The following DGKB variants were observed in gnomAD, a reference collection of about 807,000 sequenced individuals.
DGKB encodes diacylglycerol kinase beta.
Under a neutral mutation model 114.3 loss-of-function variants are expected in DGKB, and 67 were observed. That is an observed-to-expected ratio of 0.59 (90% CI 0.48 to 0.72). The LOEUF is 0.72. DGKB is among the 30% of genes least tolerant of loss of function. The pLI, the probability that DGKB is intolerant of heterozygous loss-of-function variation, is 0.00. For missense variants in DGKB, 907 were observed against 975.2 expected (o/e 0.93, Z 0.93); for synonymous variants, 398 against 323.1 (o/e 1.23, Z -2.49).
chr7:14,832,459 A>C (rs991848923), intron 2 of DGKB, among the ~76,000 whole-genome samples: 4 of 152,054 alleles, frequency 2.6e-5, no homozygotes, highest in African/African-American at 9.7e-5. Context: ...TTATATAAAG[A>C]GTAGCTTACA....
intron 1 of DGKB, among the ~76,000 whole-genome samples, chr7:14,956,362 C>G (rs1786507299): frequency 6.6e-6 from 1 of 152,044 alleles, no homozygotes; most frequent in East Asian, 1.9e-4. Context: ...AGTTTGAGTT[C>G]TATTACTCAG....
intron 21 of DGKB, among the ~76,000 whole-genome samples, chr7:14,390,154 C>T (rs954139743): frequency 1.3e-5 from 2 of 152,146 alleles, no homozygotes; most frequent in African/African-American, 4.8e-5. Flanking sequence ...ATGATACATA[C>T]ATAAGGGTAT....
chr7:14,544,009 G>A (rs1793897369), intron 20 of DGKB, among the ~76,000 whole-genome samples: 1 of 152,136 alleles, frequency 6.6e-6, no homozygotes, highest in African/African-American at 2.4e-5. Flanking sequence ...TAAATAAATT[G>A]TATTGCTATT....
intron 22 of DGKB, among the ~76,000 whole-genome samples, chr7:14,339,915 A>G (rs1193294195): frequency 6.6e-6 from 1 of 151,894 alleles, no homozygotes; most frequent in Non-Finnish European, 1.5e-5. Flanking sequence ...AACTCAGAAG[A>G]CACAGTGTTC....
intron 2 of DGKB, among the ~76,000 whole-genome samples, chr7:14,801,911 CACAT>C (rs1586609420): frequency 7.4e-6 from 1 of 134,716 alleles, no homozygotes; most frequent in South Asian, 2.3e-4. Flanking sequence ...CACATATACA[CACAT>C]ATATACATAT....
chr7:14,932,675 T>C (rs903070756), intron 1 of DGKB, among the ~76,000 whole-genome samples: 5 of 152,180 alleles, frequency 3.3e-5, no homozygotes, highest in South Asian at 2.1e-4. Context: ...ATGTAAATAA[T>C]TGGTTCCTCA....
At chr7:14,447,708 A>G (rs1351847704) in intron 21 of DGKB, among the ~76,000 whole-genome samples, 1 of 152,136 alleles carries the variant, frequency 6.6e-6, no homozygotes, top group African/African-American at 2.4e-5. Context: ...ACTTCTAGAT[A>G]CCAAAATACC....
At chr7:14,959,378 G>A (rs1023409636) in intron 1 of DGKB, among the ~76,000 whole-genome samples, 2 of 145,962 alleles carry the variant, frequency 1.4e-5, no homozygotes, top group African/African-American at 5.0e-5. Flanking sequence ...GTGAAATAGA[G>A]TTTTTTTTTT....
At chr7:14,706,972 A>G (rs2129021011) in intron 6 of DGKB, among the ~76,000 whole-genome samples, 1 of 149,448 alleles carries the variant, frequency 6.7e-6, no homozygotes, top group Admixed American at 6.7e-5. Context: ...AAATCAGAGC[A>G]GAACTGAAGG....
intron 1 of DGKB, among the ~76,000 whole-genome samples, chr7:14,870,374 C>T (rs1167312289): frequency 1.3e-5 from 2 of 152,080 alleles, no homozygotes; most frequent in African/African-American, 2.4e-5. Flanking sequence ...GTAGAAAATA[C>T]CTTTGCCTTC....
intron 1 of DGKB, among the ~76,000 whole-genome samples, chr7:14,895,652 C>T (rs1431255777): frequency 6.6e-6 from 1 of 151,130 alleles, no homozygotes; most frequent in African/African-American, 2.4e-5. Flanking sequence ...TTTCACCGAT[C>T]CTGGCAGAAT....
At chr7:14,680,436 G>C (rs192970647) in intron 12 of DGKB, among the ~76,000 whole-genome samples, 3 of 151,966 alleles carry the variant, frequency 2.0e-5, no homozygotes, top group Admixed American at 2.0e-4. Flanking sequence ...CCTTTTTCCT[G>C]TAAAAGAAAC....
At chr7:14,392,593 T>A (rs1309711529) in intron 21 of DGKB, among the ~76,000 whole-genome samples, 1 of 152,168 alleles carries the variant, frequency 6.6e-6, no homozygotes, top group Non-Finnish European at 1.5e-5. Context: ...TTTATTAATG[T>A]GTGTCCCTGG....
intron 2 of DGKB, 129 bp from the exon 3 acceptor site, chr7:14,757,860 T>A (rs760210046): frequency 1.9e-6 from 1 of 527,944 alleles, no homozygotes; most frequent in Admixed American, 3.8e-5. Flanking sequence ...AACCAACACA[T>A]AAAATATCTC....
At chr7:14,647,269 G>C (rs1300682203) in intron 13 of DGKB, among the ~76,000 whole-genome samples, 2 of 151,954 alleles carry the variant, frequency 1.3e-5, no homozygotes, top group Non-Finnish European at 2.9e-5. Context: ...AGAAGAAATA[G>C]AAAATCTGAA....
rs138920579 is a variant in DGKB, at chr7:14,973,262, A to G, written c.-188+1434T>C. 8.8e-3 allele frequency among the ~76,000 whole-genome samples: 1,345 copies of G among 152,106 alleles called. 27 individuals carry two copies. The highest frequency in any genetic ancestry group is 0.031 in the African/African-American group (1,301 of 41,576). The stretch of plus-strand genomic sequence containing the variant: ...CCTCTATTTAATTTTTATTTAAAAT[A>G]CTATTAAGGAATATTCAAAACATTT... On this transcript the variant is annotated intron_variant, in intron 1 of 4. Transcript: ENST00000437998.
intron 23 of DGKB, among the ~76,000 whole-genome samples, chr7:14,326,514 T>G (rs1415115271): frequency 6.6e-6 from 1 of 152,080 alleles, no homozygotes; most frequent in East Asian, 1.9e-4. Flanking sequence ...AGAATGGACA[T>G]TCTCACCTGG....
At chr7:14,388,266 C>CA (rs34349170) in intron 21 of DGKB, among the ~76,000 whole-genome samples, 30 of 143,722 alleles carry the variant, frequency 2.1e-4, no homozygotes, top group East Asian at 4.0e-4. Flanking sequence ...AATGTGAAGC[C>CA]AAAAAAAAAA....
At chr7:14,622,216 T>A (rs1400108905) in intron 14 of DGKB, among the ~76,000 whole-genome samples, 1 of 152,108 alleles carries the variant, frequency 6.6e-6, no homozygotes, top group Non-Finnish European at 1.5e-5. Flanking sequence ...TTCTTACTCT[T>A]TGAAAACTTG....
Sources: gnomAD v4.1 joint callset for allele counts (sites outside exome capture counted in the v4.1 genomes callset) on GRCh38, gnomAD v4.1.1 for gene constraint, MANE v1.5 for transcripts, NCBI Gene and HGNC (gene_info 2026-07-23, HGNC 2026-07-21) for gene names.